AMZ1: variants seen among roughly 807,000 people sequenced by gnomAD.
The protein encoded by AMZ1 is archaemetzincin-1.
A neutral mutation model predicts 29.9 loss-of-function variants in AMZ1; 39 were observed. The ratio of observed to expected loss-of-function variants is 1.30; its 90% CI spans 1.01 to 1.70. The LOEUF is 1.70. AMZ1 is among the 40% of genes most tolerant of loss of function. AMZ1 has a pLI of 0.00. For missense variants in AMZ1, 1,041 were observed against 680.6 expected (o/e 1.53, Z -5.89); for synonymous variants, 458 against 304.0 (o/e 1.51, Z -5.27).
At position 2,709,352 on chromosome 7, in the gene AMZ1, C is replaced by G. The variant is rs1404286074; in HGVS notation, c.771+108C>G. 3 of 1,213,790 alleles carry G rather than the reference C, an allele frequency of 2.5e-6. No homozygotes were observed. The East Asian group carries it at 7.9e-5, about 32-fold the overall frequency. The allele number at this position is 1,213,790 out of a possible 1,614,324, so 75.2% of individuals were successfully genotyped here. On this transcript the variant is annotated intron_variant, in intron 5 of 6. Transcript: ENST00000683327. ...CATCCTCACAGTGAAGTGGATGGAC[C>G]CCTAACTCTATGGAATGAGGAAAGC...
chr7:2,730,823 G>A (rs922157240), intron 4 of AMZ1: 2 of 196,558 alleles, frequency 1.0e-5, no homozygotes, highest in South Asian at 2.8e-4. Context: ...TAAAGACAGA[G>A]CGTGTGTACA....
intron 3 of AMZ1, among the ~76,000 whole-genome samples, chr7:2,706,431 G>C (rs935527120): frequency 6.6e-6 from 1 of 152,236 alleles, no homozygotes; most frequent in East Asian, 1.9e-4. Flanking sequence ...CCGTAACAAA[G>C]TACCACAAAC....
At chr7:2,697,538 G>C (rs1053606564) in intron 1 of AMZ1, among the ~76,000 whole-genome samples, 10 of 150,734 alleles carry the variant, frequency 6.6e-5, no homozygotes, top group African/African-American at 2.2e-4. Flanking sequence ...ATCCTTCCAC[G>C]TCAGCCTCCT....
rs987844267 is a variant in AMZ1 at position 2,715,213 on chromosome 7, GACCCC to G, written c.*2342_*2346del. 2.0e-5 allele frequency: 3 copies of G among 152,296 alleles called. No individual in the cohort carries two copies. The highest frequency in any genetic ancestry group is 4.4e-5 in the Non-Finnish European group (3 of 68,022). The allele number at this position is 152,296 out of a possible 1,614,324, so 9.4% of individuals were successfully genotyped here. A position where few individuals can be genotyped will look rare whatever the true frequency, so the allele number is the denominator to read the frequency against. On this transcript the variant is annotated 3_prime_UTR_variant, in exon 7 of 7. Coordinates refer to ENST00000683327, the MANE Select transcript of AMZ1 (RefSeq NM_001384743.1). Reference sequence around the variant, plus strand: ...TGCACTCCACGGCGGCAGTGACAAGGACCCCACCCCAGGTTCACGGGGAGGGGACG... The same window carrying G: ...TGCACTCCACGGCGGCAGTGACAAGGACCCCAGGTTCACGGGGAGGGGACG...
chr7:2,758,629 C>T (rs550017337), intron 4 of AMZ1, among the ~76,000 whole-genome samples: 1 of 152,276 alleles, frequency 6.6e-6, no homozygotes, highest in Non-Finnish European at 1.5e-5. Context: ...GGGGGAACCC[C>T]TGAAAGGGTC....
chr7:2,736,331 A>G (rs766655094), intron 4 of AMZ1, among the ~76,000 whole-genome samples: 2 of 152,168 alleles, frequency 1.3e-5, no homozygotes, highest in African/African-American at 2.4e-5. Context: ...CCTTGGTGTG[A>G]AAAACCTACA....
At chr7:2,743,883 G>C (rs1790631621) in intron 4 of AMZ1, among the ~76,000 whole-genome samples, 1 of 151,958 alleles carries the variant, frequency 6.6e-6, no homozygotes, top group Non-Finnish European at 1.5e-5. Flanking sequence ...TCCCGCACCT[G>C]GCTCGGAGGG....
At chr7:2,734,399 A>G (rs996102937) in intron 4 of AMZ1, among the ~76,000 whole-genome samples, 1 of 152,244 alleles carries the variant, frequency 6.6e-6, no homozygotes, top group Admixed American at 6.5e-5. Context: ...CAAGGCTTCC[A>G]GGCTGCCCTG....
At chr7:2,692,357 G>A (rs1333108854) in intron 1 of AMZ1, among the ~76,000 whole-genome samples, 1 of 152,002 alleles carries the variant, frequency 6.6e-6, no homozygotes, top group Non-Finnish European at 1.5e-5. Context: ...TGGCTAACAC[G>A]TGAAACCCCA....
chr7:2,700,826 C>G lies in AMZ1; in HGVS notation c.304+71C>G, dbSNP rs1449672750. 2.3e-5 allele frequency: 36 copies of G among 1,535,350 alleles called. No homozygotes were observed. In the African/African-American group the frequency reaches 4.8e-4, roughly 20 times the overall value. ...TATATATAGCACAAGTGGGGGATGTCTGTGCATAGCCCCCAGGCAGGACTG... is the reference window on the plus strand; with the variant it reads ...TATATATAGCACAAGTGGGGGATGTGTGTGCATAGCCCCCAGGCAGGACTG... On this transcript the variant is annotated intron_variant, in intron 2 of 6. Transcript: ENST00000683327.
intron 1 of AMZ1, among the ~76,000 whole-genome samples, chr7:2,695,614 A>G (rs1787664830): frequency 1.3e-5 from 2 of 152,044 alleles, no homozygotes; most frequent in African/African-American, 4.8e-5. Context: ...TCAGGAGGCC[A>G]AGGCAGGAGG....
In AMZ1 at chr7:2,716,728, G is replaced by GCAAGT. The variant is rs1289956592; in HGVS notation, c.*3852_*3856dup. 6.6e-6 allele frequency among the ~76,000 whole-genome samples: 1 copy of GCAAGT among 152,242 alleles called. No homozygotes were observed. The highest frequency in any genetic ancestry group is 1.5e-5 in the Non-Finnish European group (1 of 68,040). ...CCCTGCCCAAGGCCCACCTGGACAGGCAAGTCTTCCCTAGTGGGTCAGTCA... is the reference window on the plus strand; with the variant it reads ...CCCTGCCCAAGGCCCACCTGGACAGGCAAGTCAAGTCTTCCCTAGTGGGTCAGTCA... On this transcript the variant is annotated 3_prime_UTR_variant, in exon 7 of 7. Coordinates refer to ENST00000683327, the MANE Select transcript of AMZ1 (RefSeq NM_001384743.1).
At chr7:2,702,929 C>T (rs1358563781) in intron 3 of AMZ1, 40 bp downstream of exon 3, 8 of 1,537,950 alleles carry the variant, frequency 5.2e-6, no homozygotes, top group Non-Finnish European at 8.7e-7. Context: ...CCAAGGCAGG[C>T]CCCTTCTGGA....
intron 4 of AMZ1, 139 bp from the exon 5 acceptor site, chr7:2,708,935 TG>T: frequency 7.8e-7 from 1 of 1,284,778 alleles, no homozygotes; most frequent in Non-Finnish European, 1.1e-6. Flanking sequence ...CAACTTCATG[TG>T]GGCAGGACAG....
chr7:2,748,475 G>A (rs1790873290), intron 4 of AMZ1, among the ~76,000 whole-genome samples: 1 of 152,046 alleles, frequency 6.6e-6, no homozygotes, highest in Non-Finnish European at 1.5e-5. Flanking sequence ...AGCTGAAACT[G>A]GATCCCTTCC....
At chr7:2,709,428 C>G (rs1354863476) in intron 5 of AMZ1, among the ~76,000 whole-genome samples, 184 bp downstream of exon 5, 3 of 119,020 alleles carry the variant, frequency 2.5e-5, no homozygotes, top group African/African-American at 5.7e-5. Flanking sequence ...CCCCAAGCCC[C>G]TATCCTGTGT....
At chr7:2,754,001 G>C (rs1334574395) in intron 4 of AMZ1, among the ~76,000 whole-genome samples, 2 of 152,174 alleles carry the variant, frequency 1.3e-5, no homozygotes, top group East Asian at 1.9e-4. Context: ...TCAGTGACCA[G>C]AGAATCTACA....
intron 4 of AMZ1, among the ~76,000 whole-genome samples, chr7:2,726,745 C>T (rs1789636322): frequency 6.6e-6 from 1 of 152,252 alleles, no homozygotes; most frequent in African/African-American, 2.4e-5. Context: ...AAGAGAGATG[C>T]CCCGTGATGC....
At chr7:2,761,061 C>G (rs968658752), upstream of AMZ1, among the ~76,000 whole-genome samples, 1 of 152,214 alleles carries the variant, frequency 6.6e-6, no homozygotes, top group Admixed American at 6.5e-5. Flanking sequence ...TAAACGGAGT[C>G]AGGAACGTAG....
Sources: allele counts gnomAD v4.1 joint callset (sites outside exome capture counted in the v4.1 genomes callset), GRCh38; gene constraint gnomAD v4.1.1; transcripts MANE v1.5; gene names NCBI Gene and HGNC (gene_info 2026-07-23, HGNC 2026-07-21).